CABIN1: variants seen among roughly 807,000 people sequenced by gnomAD.
The protein encoded by CABIN1 is calcineurin-binding protein cabin-1.
In CABIN1, 133 loss-of-function variants were observed where a neutral mutation model predicts 227.7. The ratio of observed to expected loss-of-function variants is 0.58; its 90% CI spans 0.51 to 0.67. The LOEUF is 0.67. Among genes scored for constraint, CABIN1 ranks in the 30% least tolerant of loss-of-function variants. The pLI is 0.00. For synonymous variants in CABIN1, 1,086 were observed against 1,155.1 expected (o/e 0.94, Z 1.21); for missense variants, 2,408 against 2,852.5 (o/e 0.84, Z 3.55).
At chr22:24,020,694 A>G (rs777570614) in intron 1 of CABIN1, among the ~76,000 whole-genome samples, 8 of 152,168 alleles carry the variant, frequency 5.3e-5, no homozygotes, top group Non-Finnish European at 1.0e-4. Context: ...GAGATTCTCA[A>G]ATTTTTAGAT....
intron 26 of CABIN1, chr22:24,102,156 T>G (rs2042242676): frequency 6.6e-6 from 1 of 152,340 alleles, no homozygotes; most frequent in Non-Finnish European, 1.5e-5. Flanking sequence ...AGGAAGGCCC[T>G]GTGGTTGGCC....
At chr22:24,089,024 G>A (rs1004933434) in intron 23 of CABIN1, among the ~76,000 whole-genome samples, 2 of 152,196 alleles carry the variant, frequency 1.3e-5, no homozygotes, top group Non-Finnish European at 2.9e-5. Context: ...TGCTGCCCTA[G>A]GATGCAGAGC....
intron 29 of CABIN1, among the ~76,000 whole-genome samples, chr22:24,154,964 C>T (rs570668089): frequency 1.4e-4 from 21 of 151,990 alleles, no homozygotes; most frequent in East Asian, 1.4e-3. Context: ...GAGGGAGGAA[C>T]GGCGCTATGT....
intron 26 of CABIN1, among the ~76,000 whole-genome samples, chr22:24,110,004 T>G (rs557576933): frequency 6.7e-4 from 102 of 152,246 alleles, no homozygotes; most frequent in African/African-American, 2.3e-3. Context: ...ATCCCATCTT[T>G]ACTAAAAATA....
chr22:24,023,728 C>T (rs538541460), intron 1 of CABIN1, among the ~76,000 whole-genome samples: 5 of 151,304 alleles, frequency 3.3e-5, no homozygotes, highest in Admixed American at 1.3e-4. Flanking sequence ...TTTTGAAAGT[C>T]ATTTACCTGT....
intron 27 of CABIN1, 44 bp from the exon 28 acceptor site, chr22:24,119,323 G>A (rs777992310): frequency 1.3e-6 from 2 of 1,546,412 alleles, no homozygotes; most frequent in Non-Finnish European, 1.8e-6. Flanking sequence ...CATGGACAGG[G>A]CCTAAAACCA....
chr22:24,051,733 ACT>A (rs1036496790), intron 8 of CABIN1, among the ~76,000 whole-genome samples: 1 of 151,824 alleles, frequency 6.6e-6, no homozygotes, highest in African/African-American at 2.4e-5. Context: ...GAATTGGATG[ACT>A]CTGGGGACAT....
At chr22:24,142,309 C>G (rs528103055) in intron 29 of CABIN1, among the ~76,000 whole-genome samples, 4 of 152,270 alleles carry the variant, frequency 2.6e-5, no homozygotes, top group East Asian at 1.9e-4. Flanking sequence ...CTCCCAAAAC[C>G]TCTCCTAGCT....
intron 6 of CABIN1, among the ~76,000 whole-genome samples, chr22:24,046,038 A>C (rs1297175922): frequency 6.6e-6 from 1 of 152,018 alleles, no homozygotes; most frequent in Non-Finnish European, 1.5e-5. Context: ...ACTTTTTACA[A>C]CCTCCTAAGG....
chr22:24,093,169 G>A (rs191411028), intron 24 of CABIN1, among the ~76,000 whole-genome samples: 7 of 152,318 alleles, frequency 4.6e-5, no homozygotes, highest in Admixed American at 2.0e-4. Flanking sequence ...CCCCAAGGTC[G>A]TACTGACTGA....
chr22:24,046,573 A>G (rs1467897461), intron 6 of CABIN1, among the ~76,000 whole-genome samples: 3 of 152,168 alleles, frequency 2.0e-5, no homozygotes, highest in African/African-American at 7.2e-5. Context: ...AGAAGAAGTT[A>G]TGCTTGGTAA....
rs1476814253 is a variant in CABIN1, at chr22:24,042,970, A to C, written c.412A>C (p.Ile138Leu). The C allele has an allele frequency of 1.9e-6, 3 of 1,613,712 alleles. No individual in the cohort carries two copies. Among genetic ancestry groups the C allele is most frequent in the Non-Finnish European group, 2.5e-6 (3 of 1,179,980 alleles). Residue 138 changes from isoleucine (I) to leucine (L), a missense_variant, in exon 6 of 37, where the codon ATC becomes CTC. By Grantham distance (5) the Ile-to-Leu change is conservative (BLOSUM62 2). Around this residue, in one of 3 missense-constraint regions of CABIN1, gnomAD observed 1,045 missense variants for 1,168.4 expected, o/e 0.89. Transcript: ENST00000263119. ...YKIGHVALRL[I>L]RIPLARHAFE... ...GATTGGACATGTGGCCCTGAGGCTC[A>C]TCCGGATCCCCCTGGCTCGCCATGC... is the stretch of plus-strand genomic sequence containing the variant.
In CABIN1 at chr22:24,084,787, TG is replaced by T; in HGVS notation, c.3117+5del. ...TACATTGAGGGAACTTCAACTGAGGTGGGCCCACAACCTTGAGGACGTGGGG... is the reference window on the plus strand; with the variant it reads ...TACATTGAGGGAACTTCAACTGAGGTGGCCCACAACCTTGAGGACGTGGGG... On this transcript the variant is annotated splice_donor_region_variant and intron_variant, in intron 21 of 36. Coordinates refer to ENST00000263119, the MANE Select transcript of CABIN1 (RefSeq NM_012295.4). The T allele has an allele frequency of 6.2e-7, 1 of 1,614,058 alleles. No individual in the cohort carries two copies. The highest frequency in any genetic ancestry group is 1.1e-5 in the South Asian group (1 of 91,068).
intron 10 of CABIN1, among the ~76,000 whole-genome samples, chr22:24,056,690 G>A (rs970931095): frequency 3.3e-5 from 5 of 152,214 alleles, no homozygotes; most frequent in African/African-American, 1.2e-4. Flanking sequence ...GGGTGCAGAT[G>A]CCCTGAAAAC....
intron 29 of CABIN1, among the ~76,000 whole-genome samples, chr22:24,139,671 C>G (rs2148302672): frequency 6.6e-6 from 1 of 152,262 alleles, no homozygotes; most frequent in Non-Finnish European, 1.5e-5. Flanking sequence ...TCATTTTGCT[C>G]TCTGCAGCTG....
chr22:24,135,494 C>G (rs2148220841), intron 29 of CABIN1, among the ~76,000 whole-genome samples: 1 of 152,318 alleles, frequency 6.6e-6, no homozygotes, highest in African/African-American at 2.4e-5. Context: ...GGCCAATCAC[C>G]TAGGCCTGCC....
intron 1 of CABIN1, among the ~76,000 whole-genome samples, chr22:24,015,474 A>T (rs2035204496): frequency 6.6e-6 from 1 of 150,580 alleles, no homozygotes. Context: ...CCTCCCGAGT[A>T]GCTGGGACTA....
Position 24,174,810 on chromosome 22 carries a change from T to C in CABIN1, c.6041-1301T>C, listed in dbSNP as rs533354644. ...TGGTGACTGGTTCTCCCCAGAGCCATTGACCCCACCGAGAGAACACAGAGG... is the reference window on the plus strand; with the variant it reads ...TGGTGACTGGTTCTCCCCAGAGCCACTGACCCCACCGAGAGAACACAGAGG... On this transcript the variant is annotated intron_variant, in intron 34 of 36. Transcript: ENST00000263119. Among the ~76,000 whole-genome samples the C allele has an allele frequency of 9.5e-5, 14 of 147,476 alleles. No homozygotes were observed. The South Asian group carries it at 2.4e-3, about 25-fold the overall frequency.
rs943534751 is a variant in CABIN1, at chr22:24,129,882, G to A, written c.4633-4420G>A. Reference sequence around the variant, plus strand: ...GAGGGTATGGGGGAGATGAGCCAGCGGGTAGGCAGGTAGACTGAGGCATGG... The same window carrying A: ...GAGGGTATGGGGGAGATGAGCCAGCAGGTAGGCAGGTAGACTGAGGCATGG... On this transcript the variant is annotated intron_variant, in intron 28 of 36. Coordinates refer to ENST00000263119, the MANE Select transcript of CABIN1 (RefSeq NM_012295.4). Among the ~76,000 whole-genome samples the A allele has an allele frequency of 3.9e-5, 6 of 152,324 alleles. No homozygotes were observed. The East Asian group carries it at 5.8e-4, about 15-fold the overall frequency.
Sources: gnomAD v4.1 joint callset for allele counts (sites outside exome capture counted in the v4.1 genomes callset) on GRCh38, gnomAD v4.1.1 for gene constraint, gnomAD v4.1.1 regional missense constraint, MANE v1.5 for transcripts, NCBI Gene and HGNC (gene_info 2026-07-23, HGNC 2026-07-21) for gene names.